Variants in PKD1L1 observed in about 807,000 individuals in gnomAD.
The protein encoded by PKD1L1 is polycystin-1-like protein 1.
A neutral mutation model predicts 323.4 loss-of-function variants in PKD1L1; 236 were observed. The observed-to-expected ratio is 0.73, with a 90% CI of 0.66 to 0.81. The LOEUF (loss-of-function observed/expected upper bound fraction) is 0.81. Ranked by LOEUF, PKD1L1 falls within the 40% of genes least tolerant of loss-of-function variation. The pLI is 0.00. For synonymous variants in PKD1L1, 1,344 were observed against 1,335.0 expected, an observed-to-expected ratio of 1.01 and a Z score of -0.15; for missense variants, 3,320 against 3,508.0, an observed-to-expected ratio of 0.95 and a Z score of 1.35.
rs1018369431 is a variant in PKD1L1, at chr7:47,808,318, C to T, written c.7756G>A (p.Val2586Ile). The stretch of plus-strand genomic sequence containing the variant: ...AGTCCTCTGTGAAACTGGTTAGTGA[C>T]ATCTCCAGCAAGAGTAACAAGGTGG... Reference protein sequence around the residue: ...SGHLVTLAGDVTNQFHRGLCR... With the variant: ...SGHLVTLAGDITNQFHRGLCR... Residue 2586 changes from valine to isoleucine, a missense_variant, in exon 52 of 57, where the codon GTC becomes ATC. Physicochemically the swap from Val to Ile is conservative, Grantham distance 29. Coordinates refer to ENST00000289672, the MANE Select transcript of PKD1L1 (RefSeq NM_138295.5). 1 of 1,614,056 alleles carries T rather than the reference C, an allele frequency of 6.2e-7. No individual in the cohort carries two copies. Among genetic ancestry groups the T allele is most frequent in the African/African-American group, 1.3e-5 (1 of 74,918 alleles).
rs544369912 is a variant in PKD1L1, at chr7:47,896,838, C to T, written c.2271+1150G>A. Among the ~76,000 whole-genome samples the T allele has an allele frequency of 4.6e-5, 7 of 152,312 alleles. No individual in the cohort carries two copies. In the East Asian group the frequency reaches 1.4e-3, roughly 29 times the overall value. ...CCCCTGACATTGACCCTGCTCTGCT[C>T]TCTATTCCCCAGCTGCCCCCTGCTT... On this transcript the variant is annotated intron_variant, in intron 14 of 56. Transcript: ENST00000289672.
chr7:47,943,572 A>G, intron 1 of PKD1L1, 61 bp from the exon 2 acceptor site: 1 of 1,284,508 alleles, frequency 7.8e-7, no homozygotes, highest in Non-Finnish European at 1.1e-6. Context: ...AATCACAGAC[A>G]TCCTGTGACC....
At chr7:47,866,951 C>T (rs934568381) in intron 24 of PKD1L1, among the ~76,000 whole-genome samples, 6 of 152,122 alleles carry the variant, frequency 3.9e-5, no homozygotes, top group South Asian at 4.1e-4. Flanking sequence ...TTTATGACTC[C>T]GGGTTTCAAT....
At chr7:47,944,342 C>T (rs1160476862) in intron 1 of PKD1L1, among the ~76,000 whole-genome samples, 1 of 152,186 alleles carries the variant, frequency 6.6e-6, no homozygotes, top group African/African-American at 2.4e-5. Flanking sequence ...TGTAAGCTTC[C>T]TGAGGCCTCC....
intron 19 of PKD1L1, among the ~76,000 whole-genome samples, chr7:47,883,827 C>T (rs1032552681): frequency 2.0e-5 from 3 of 152,210 alleles, no homozygotes; most frequent in African/African-American, 4.8e-5. Flanking sequence ...ATTCATTCAT[C>T]AAATAAGTCA....
At chr7:47,803,751 C>A (rs1429318486) in intron 52 of PKD1L1, among the ~76,000 whole-genome samples, 1 of 152,208 alleles carries the variant, frequency 6.6e-6, no homozygotes, top group Non-Finnish European at 1.5e-5. Context: ...TCCTTTCCCC[C>A]AGATACATGT....
At chr7:47,838,447 T>C (rs1202279532) in intron 36 of PKD1L1, among the ~76,000 whole-genome samples, 2 of 152,208 alleles carry the variant, frequency 1.3e-5, no homozygotes, top group Non-Finnish European at 1.5e-5. Flanking sequence ...AATGTTGTCA[T>C]TACCATAATA....
chr7:47,816,548 A>G (rs1785024051), intron 46 of PKD1L1, among the ~76,000 whole-genome samples: 1 of 152,208 alleles, frequency 6.6e-6, no homozygotes, highest in African/African-American at 2.4e-5. Flanking sequence ...TCCCATGAAG[A>G]GTCACTGAAG....
At chr7:47,951,220 C>CAGGA, upstream of PKD1L1, among the ~76,000 whole-genome samples, 1 of 152,182 alleles carries the variant, frequency 6.6e-6, no homozygotes, top group Non-Finnish European at 1.5e-5. Flanking sequence ...GATTTTGACT[C>CAGGA]TCCTTATGAC....
At chr7:47,818,481 G>T (rs991412642) in intron 46 of PKD1L1, among the ~76,000 whole-genome samples, 12 of 152,168 alleles carry the variant, frequency 7.9e-5, no homozygotes, top group Non-Finnish European at 1.5e-4. Context: ...TCGGGGAAAT[G>T]GTATCACTTC....
intron 32 of PKD1L1, among the ~76,000 whole-genome samples, chr7:47,846,005 C>CCATT (rs1415862049): frequency 1.3e-5 from 2 of 152,146 alleles, no homozygotes; most frequent in Non-Finnish European, 2.9e-5. Context: ...AAATATTGGG[C>CCATT]CATTACCAGT....
chr7:47,935,644 G>A (rs1470982141), intron 4 of PKD1L1, among the ~76,000 whole-genome samples: 1 of 152,180 alleles, frequency 6.6e-6, no homozygotes, highest in African/African-American at 2.4e-5. Flanking sequence ...TTCCACCTAG[G>A]GGCTGAATCA....
rs769999098 is a variant in PKD1L1 at position 47,929,248 on chromosome 7, ATGT to A, written c.1013_1015del (p.Asn338del). On this transcript the variant is annotated inframe_deletion, in exon 7 of 57. Transcript: ENST00000289672. Reference sequence around the variant, plus strand: ...GGCAGTCACCGCCATTGCCTCAGACATGTTGTGTAGCCTCATTTCAACCCCAGA... The same window carrying A: ...GGCAGTCACCGCCATTGCCTCAGACATGTGTAGCCTCATTTCAACCCCAGA... 3.5e-5 allele frequency: 57 copies of A among 1,614,096 alleles called. 2 individuals are homozygous for A. In the East Asian group the frequency reaches 1.2e-3, roughly 35 times the overall value.
intron 26 of PKD1L1, among the ~76,000 whole-genome samples, chr7:47,860,946 G>A (rs1441645487): frequency 2.0e-5 from 3 of 152,144 alleles, no homozygotes; most frequent in Non-Finnish European, 2.9e-5. Flanking sequence ...GCTCACCAGG[G>A]GAAGGTGAGT....
At chr7:47,931,862 A>C in intron 5 of PKD1L1, 74 bp downstream of exon 5, 13 of 1,520,346 alleles carry the variant, frequency 8.6e-6, no homozygotes, top group Non-Finnish European at 1.2e-5. Context: ...CATACGGGTG[A>C]GTCTCCCCCA....
chr7:47,817,544 A>AATAATCTATATATACT (rs1319588474), intron 46 of PKD1L1, among the ~76,000 whole-genome samples: 71 of 152,348 alleles, frequency 4.7e-4, no homozygotes, highest in African/African-American at 1.5e-3. Context: ...AGCCTCAACC[A>AATAATCTATATATACT]ATAATCTGTA....
At chr7:47,802,188 T>C (rs1323949105) in intron 53 of PKD1L1, among the ~76,000 whole-genome samples, 7 of 74,344 alleles carry the variant, frequency 9.4e-5, no homozygotes, top group African/African-American at 3.6e-4. Context: ...CGAGACTCTA[T>C]CTCAAAAAAA....
rs896479136 is a variant in PKD1L1, at chr7:47,936,127, A to G, written c.398+719T>C. On this transcript the variant is annotated intron_variant, in intron 4 of 56. Transcript: ENST00000289672. ...TATTTTTTAAAATTATGTCTACTTT[A>G]AATTTTGTATTGCCTGGTGCTATTG... Among the ~76,000 whole-genome samples the G allele has an allele frequency of 1.3e-5, 2 of 152,220 alleles. 1 individual carries two copies. The highest frequency in any genetic ancestry group is 4.8e-5 in the African/African-American group (2 of 41,448).
rs199751440 is a variant in PKD1L1, at chr7:47,899,633, A to AT, written c.2065-1440dup. ...TGGGTGCAGGGTCTCCCCCAGAGGG[A>AT]TTTTTTTTTTCCTGAAGGTTCCCTA... On this transcript the variant is annotated intron_variant, in intron 13 of 56. Coordinates refer to ENST00000289672, the MANE Select transcript of PKD1L1 (RefSeq NM_138295.5). Among the ~76,000 whole-genome samples the AT allele has an allele frequency of 2.7e-4, 40 of 149,364 alleles. 1 individual carries two copies. The highest frequency in any genetic ancestry group is 1.2e-3 in the East Asian group (6 of 5,058).
Sources: allele counts gnomAD v4.1 joint callset (sites outside exome capture counted in the v4.1 genomes callset), GRCh38; gene constraint gnomAD v4.1.1; transcripts MANE v1.5; gene names NCBI Gene and HGNC (gene_info 2026-07-23, HGNC 2026-07-21).